Variants in RASA4B observed in about 807,000 individuals in gnomAD.
The protein encoded by RASA4B is RAS p21 protein activator 4B.
In RASA4B, 2 loss-of-function variants were observed where a neutral mutation model predicts 24.2. The ratio of observed to expected loss-of-function variants is 0.08; its 90% CI spans 0.03 to 0.26. The LOEUF (loss-of-function observed/expected upper bound fraction) is 0.26, where lower values mean the gene tolerates loss of function less well. RASA4B is among the 10% of genes least tolerant of loss of function. The probability of loss-of-function intolerance (pLI) is 1.00; values close to 1 mark genes in which losing one functional copy is unlikely to be tolerated. For synonymous variants in RASA4B, 2 were observed against 125.6 expected (o/e 0.02, Z 6.58); for missense variants, 8 against 277.2 (o/e 0.03, Z 6.90).
rs371717019 is a variant in RASA4B at position 102,484,756 on chromosome 7, G to A, written c.2225+283C>T. Reference sequence around the variant, plus strand: ...ACCACTGGACGAAGCAAGATGGCCAGGGAACTCAGGGAATTGGCTGAGGCT... The same window carrying A: ...ACCACTGGACGAAGCAAGATGGCCAAGGAACTCAGGGAATTGGCTGAGGCT... On this transcript the variant is annotated intron_variant, in intron 19 of 20. Coordinates refer to ENST00000465829, the MANE Select transcript of RASA4B (RefSeq NM_001367767.2). 4.7e-4 allele frequency among the ~76,000 whole-genome samples: 70 copies of A among 147,464 alleles called. No homozygotes were observed. The East Asian group carries it at 4.9e-3, about 10-fold the overall frequency.
Position 102,480,139 on chromosome 7 carries a change from G to C in RASA4B, c.*3453C>G, listed in dbSNP as rs571436664. ...GTTATGCCCGGACAGGGCCACCAGA[G>C]GGCTCCTTGGTCTAGCGGTAACGCC... On this transcript the variant is annotated 3_prime_UTR_variant, in exon 21 of 21. Transcript: ENST00000465829. Among the ~76,000 whole-genome samples the C allele has an allele frequency of 5.8e-3, 885 of 152,248 alleles. 9 individuals are homozygous for C. The highest frequency in any genetic ancestry group is 9.7e-3 in the Non-Finnish European group (657 of 68,020).
At chr7:102,504,559 C>T (rs1586778679) in intron 5 of RASA4B, among the ~76,000 whole-genome samples, 1 of 30,546 alleles carries the variant, frequency 3.3e-5, no homozygotes, top group African/African-American at 7.5e-5. Context: ...TTCCTATAAT[C>T]CCAGCACTTT....
chr7:102,504,667 G>A (rs1450195169), intron 5 of RASA4B, among the ~76,000 whole-genome samples: 1 of 109,626 alleles, frequency 9.1e-6, no homozygotes, highest in Non-Finnish European at 1.7e-5. Context: ...GGGCGACAGA[G>A]CCAGACTGCC....
rs1270448282 is a variant in RASA4B, at chr7:102,482,152, G to A, written c.*1440C>T. 1.3e-5 allele frequency among the ~76,000 whole-genome samples: 2 copies of A among 151,380 alleles called. No individual in the cohort carries two copies. Among genetic ancestry groups the A allele is most frequent in the Admixed American group, 1.3e-4 (2 of 15,158 alleles). On this transcript the variant is annotated 3_prime_UTR_variant, in exon 21 of 21. Coordinates refer to ENST00000465829, the MANE Select transcript of RASA4B (RefSeq NM_001367767.2). ...CCCCGGGGCGGCCCACAGTAGCAGC[G>A]GCTGGTGGTCCCTGCAGCCGGTCAG...
At chr7:102,504,828 C>T (rs1311852796) in intron 5 of RASA4B, among the ~76,000 whole-genome samples, 17 of 145,456 alleles carry the variant, frequency 1.2e-4, no homozygotes, top group East Asian at 2.2e-4. Context: ...AGTGAAGTCC[C>T]GTCTCTACTA....
intron 1 of RASA4B, among the ~76,000 whole-genome samples, chr7:102,512,703 GGGGGTGAGAGA>G (rs1334035081): frequency 7.1e-6 from 1 of 141,556 alleles, no homozygotes; most frequent in East Asian, 2.2e-4. Flanking sequence ...GGGAGACTGA[GGGGGTGAGAGA>G]GGGGGGAGAG....
chr7:102,489,643 C>T (rs1332699387), intron 17 of RASA4B, among the ~76,000 whole-genome samples: 3 of 149,740 alleles, frequency 2.0e-5, no homozygotes, highest in Non-Finnish European at 4.5e-5. Flanking sequence ...CAGGCACCCA[C>T]CACCACACCC....
At chr7:102,490,788 C>A (rs1798907689) in intron 17 of RASA4B, among the ~76,000 whole-genome samples, 198 bp downstream of exon 17, 3 of 25,812 alleles carry the variant, frequency 1.2e-4, no homozygotes, top group Admixed American at 3.8e-4. Context: ...CCCACAGCAC[C>A]CAGGGCATTC....
intron 8 of RASA4B, among the ~76,000 whole-genome samples, chr7:102,498,662 G>T (rs1345379945): frequency 9.9e-6 from 1 of 101,088 alleles, no homozygotes; most frequent in Non-Finnish European, 2.2e-5. Context: ...CAATTATCCT[G>T]CTTCAGTAGC....
At chr7:102,492,728 G>A (rs1268440300) in intron 16 of RASA4B, among the ~76,000 whole-genome samples, 3 of 88,284 alleles carry the variant, frequency 3.4e-5, no homozygotes, top group African/African-American at 5.5e-5. Context: ...GCAGTGGCAC[G>A]ATCTCGGCTC....
intron 19 of RASA4B, among the ~76,000 whole-genome samples, chr7:102,484,624 C>T (rs1343010223): frequency 1.6e-5 from 2 of 126,612 alleles, no homozygotes; most frequent in African/African-American, 5.3e-5. Context: ...TATCCTGGCA[C>T]CAGCCACATC....
chr7:102,497,294 A>C (rs1410873683), intron 8 of RASA4B, among the ~76,000 whole-genome samples: 204 of 151,234 alleles, frequency 1.3e-3, no homozygotes, highest in African/African-American at 4.8e-3. Context: ...GGTACACTTT[A>C]CAGCAGAAGC....
At chr7:102,506,413 ATTG>A (rs1288212443) in intron 5 of RASA4B, among the ~76,000 whole-genome samples, 3 of 152,108 alleles carry the variant, frequency 2.0e-5, no homozygotes, top group East Asian at 1.9e-4. Context: ...TGCCCGGCTA[ATTG>A]TTGTATTTTT....
chr7:102,512,843 AGG>A (rs1799743798), intron 1 of RASA4B, among the ~76,000 whole-genome samples: 1 of 144,930 alleles, frequency 6.9e-6, no homozygotes, highest in African/African-American at 2.5e-5. Flanking sequence ...GGGAGTAAAG[AGG>A]GAGGGGGAGA....
intron 16 of RASA4B, among the ~76,000 whole-genome samples, chr7:102,491,730 G>T (rs1798953235): frequency 1.2e-5 from 1 of 80,164 alleles, no homozygotes; most frequent in Non-Finnish European, 3.1e-5. Flanking sequence ...TCGCACCATT[G>T]CACTCTGGCC....
rs1221694704 is a variant in RASA4B, at chr7:102,480,304, A to G, written c.*3288T>C. On this transcript the variant is annotated 3_prime_UTR_variant, in exon 21 of 21. Transcript: ENST00000465829. ...GGATGAGGGTGGTGAGGTGGTGATC[A>G]GGGGGACCCATGCTTCTGCTCAGGG... Among the ~76,000 whole-genome samples, 7 of 152,012 alleles carry G rather than the reference A, an allele frequency of 4.6e-5. No homozygotes were observed. The highest frequency in any genetic ancestry group is 1.7e-4 in the African/African-American group (7 of 41,438).
intron 18 of RASA4B, among the ~76,000 whole-genome samples, chr7:102,487,232 A>G (rs1798756891): frequency 2.1e-5 from 2 of 96,624 alleles, no homozygotes; most frequent in South Asian, 6.8e-4. Context: ...TGGAGGCTGC[A>G]GTGAGCTATG....
intron 1 of RASA4B, among the ~76,000 whole-genome samples, chr7:102,512,405 AG>A (rs1799711733): frequency 3.9e-4 from 2 of 5,130 alleles, no homozygotes; most frequent in African/African-American, 1.7e-3. Flanking sequence ...GAGAGGGAAG[AG>A]GAGACAGAGG....
At chr7:102,506,265 T>C (rs1404980528) in intron 5 of RASA4B, among the ~76,000 whole-genome samples, 1 of 152,274 alleles carries the variant, frequency 6.6e-6, no homozygotes, top group Non-Finnish European at 1.5e-5. Flanking sequence ...TTTTTTATTT[T>C]TTTTGAGATA....
Sources: allele counts gnomAD v4.1 joint callset (sites outside exome capture counted in the v4.1 genomes callset), GRCh38; gene constraint gnomAD v4.1.1; transcripts MANE v1.5; gene names NCBI Gene and HGNC (gene_info 2026-07-23, HGNC 2026-07-21).